CLMN: variants seen among roughly 807,000 people sequenced by gnomAD.
The protein encoded by CLMN is calmin (calponin-like, transmembrane).
A neutral mutation model predicts 92.7 loss-of-function variants in CLMN; 57 were observed. That is an observed-to-expected ratio of 0.61 (90% CI 0.50 to 0.77). CLMN has a LOEUF of 0.77. Ranked by LOEUF, CLMN falls within the 30% of genes least tolerant of loss-of-function variation. The pLI is 0.00. For synonymous variants in CLMN, 466 were observed against 470.6 expected (o/e 0.99, Z 0.13); for missense variants, 1,158 against 1,237.5 (o/e 0.94, Z 0.96).
intron 2 of CLMN, among the ~76,000 whole-genome samples, chr14:95,226,854 C>T (rs1039970877): frequency 6.6e-6 from 1 of 152,200 alleles, no homozygotes; most frequent in Non-Finnish European, 1.5e-5. Flanking sequence ...GCTGGGATTA[C>T]AGGCGTGAGC....
chr14:95,202,796 C>T, intron 9 of CLMN, 42 bp downstream of exon 9: 1 of 1,498,672 alleles, frequency 6.7e-7, no homozygotes, highest in Non-Finnish European at 8.9e-7. Context: ...TATCAAGTTT[C>T]CCAGGCAGGA....
chr14:95,283,148 G>C (rs1488803396), intron 1 of CLMN, among the ~76,000 whole-genome samples: 1 of 152,196 alleles, frequency 6.6e-6, no homozygotes, highest in African/African-American at 2.4e-5. Context: ...TTGAGTCACA[G>C]GGGCCTGTAT....
chr14:95,306,229 T>G (rs1415024121), intron 1 of CLMN, among the ~76,000 whole-genome samples: 1 of 152,110 alleles, frequency 6.6e-6, no homozygotes, highest in African/African-American at 2.4e-5. Flanking sequence ...AAGAGAGAAC[T>G]AGCCAGGCAT....
At position 95,259,065 on chromosome 14, in the gene CLMN, T is replaced by C. The variant is rs558956425; in HGVS notation, c.83-28932A>G. ...GTGGTGTGTGGAGAATGTGTTTGTA[T>C]GTATGTGTGATATGTGTTGTGTGTT... On this transcript the variant is annotated intron_variant, in intron 1 of 12. Transcript: ENST00000298912. The surrounding 1 kb of genome is among the most constrained non-coding windows in gnomAD (Gnocchi z 4.3). Among the ~76,000 whole-genome samples, 7 of 151,970 alleles carry C rather than the reference T, an allele frequency of 4.6e-5. No homozygotes were observed. The highest frequency in any genetic ancestry group is 8.8e-5 in the Non-Finnish European group (6 of 67,938).
chr14:95,296,702 C>T (rs1313339352), intron 1 of CLMN, among the ~76,000 whole-genome samples: 1 of 152,176 alleles, frequency 6.6e-6, no homozygotes, highest in East Asian at 1.9e-4. Flanking sequence ...TAGCAGCCAT[C>T]TTGGGTCTTC....
At chr14:95,285,560 G>A (rs1000284180) in intron 1 of CLMN, among the ~76,000 whole-genome samples, 1 of 152,154 alleles carries the variant, frequency 6.6e-6, no homozygotes, top group Non-Finnish European at 1.5e-5. Context: ...GAAACACTGG[G>A]TAAATTGTAG....
At chr14:95,269,505 G>A (rs910706580) in intron 1 of CLMN, among the ~76,000 whole-genome samples, 2 of 152,202 alleles carry the variant, frequency 1.3e-5, no homozygotes, top group African/African-American at 4.8e-5. Flanking sequence ...ACAGCTAAAA[G>A]GGCTTTCCCC....
rs1266374828 is a variant in CLMN, at chr14:95,215,722, A to C, written c.336T>G (p.Val112=). Residue 112 remains valine (V), a synonymous_variant, in exon 5 of 13, where the codon GTT becomes GTG. Coordinates refer to ENST00000298912, the MANE Select transcript of CLMN (RefSeq NM_024734.4). The part of the protein sequence containing the change: ...KFLEDSNVKL[V]SIDAAEIADG... ...CTGCTATTTCTGCTGCATCAATGCT[A>C]ACCAGTTTTACCTGGAGGGAAGCAA... 1 of 1,614,148 alleles carries C rather than the reference A, an allele frequency of 6.2e-7. No individual in the cohort carries two copies. Among genetic ancestry groups the C allele is most frequent in the Non-Finnish European group, 8.5e-7 (1 of 1,179,988 alleles).
At chr14:95,192,424 T>C (rs984392727) in intron 12 of CLMN, 1 of 152,238 alleles carries the variant, frequency 6.6e-6, no homozygotes, top group African/African-American at 2.4e-5. Flanking sequence ...CCAGAAGGTT[T>C]TGCCTGGGGC....
rs558104688 is a variant in CLMN, at chr14:95,299,830, G to A, written c.82+19881C>T. 1.2e-4 allele frequency among the ~76,000 whole-genome samples: 19 copies of A among 152,044 alleles called. No individual in the cohort carries two copies. In the South Asian group the frequency reaches 2.7e-3, roughly 22 times the overall value. On this transcript the variant is annotated intron_variant, in intron 1 of 12. Coordinates refer to ENST00000298912, the MANE Select transcript of CLMN (RefSeq NM_024734.4). Reference sequence around the variant, plus strand: ...ACCTTTCCTCCTCATTTTCATTCTCGCCTTCCATTAGAACTAGCTCAATAG... The same window carrying A: ...ACCTTTCCTCCTCATTTTCATTCTCACCTTCCATTAGAACTAGCTCAATAG...
At chr14:95,229,413 A>G (rs2140632734) in intron 2 of CLMN, among the ~76,000 whole-genome samples, 1 of 152,322 alleles carries the variant, frequency 6.6e-6, no homozygotes, top group South Asian at 2.1e-4. Context: ...CGGGCCAAAG[A>G]ATGCAAGAAG....
chr14:95,245,601 T>A (rs1209905845), intron 1 of CLMN, among the ~76,000 whole-genome samples: 1 of 146,800 alleles, frequency 6.8e-6, no homozygotes, highest in Non-Finnish European at 1.5e-5. Flanking sequence ...GATGGATGGA[T>A]GAATGAATGG....
intron 1 of CLMN, among the ~76,000 whole-genome samples, chr14:95,252,984 A>T (rs1898850073): frequency 6.6e-6 from 1 of 152,202 alleles, no homozygotes; most frequent in Non-Finnish European, 1.5e-5. Flanking sequence ...AACAGTGTTC[A>T]GTGAGTTCAC....
intron 1 of CLMN, among the ~76,000 whole-genome samples, chr14:95,252,110 C>T (rs1163942479): frequency 6.6e-6 from 1 of 152,144 alleles, no homozygotes; most frequent in South Asian, 2.1e-4. Flanking sequence ...TCCAAGGGGC[C>T]GGAAATTACC....
Position 95,319,832 on chromosome 14 carries a change from C to CGGCGGGCGCGGAGAGCCTGGCA in CLMN, c.-41_-40insTGCCAGGCTCTCCGCGCCCGCC. 1.6e-6 allele frequency: 2 copies of CGGCGGGCGCGGAGAGCCTGGCA among 1,244,528 alleles called. No individual in the cohort carries two copies. Among genetic ancestry groups the CGGCGGGCGCGGAGAGCCTGGCA allele is most frequent in the Non-Finnish European group, 2.0e-6 (2 of 982,298 alleles). The allele number at this position is 1,244,528 out of a possible 1,614,324, so 77.1% of individuals were successfully genotyped here. ...AGAGCCCGGGCCAGCGCGGCGCGGG[C>CGGCGGGCGCGGAGAGCCTGGCA]GGCGGGCGCGGAGAGCCTGGCTGGC... On this transcript the variant is annotated 5_prime_UTR_variant, in exon 1 of 13. Coordinates refer to ENST00000298912, the MANE Select transcript of CLMN (RefSeq NM_024734.4).
rs1423030625 is a variant in CLMN, at chr14:95,189,833, T to C, written c.*1731A>G. On this transcript the variant is annotated 3_prime_UTR_variant, in exon 13 of 13. Transcript: ENST00000298912. ...CTCCAAGCTCCCAGCAGCTTTCTGG[T>C]TGGAAGGCTGAAATTCTTTCAGGAG... 1 of 152,166 alleles carries C rather than the reference T, an allele frequency of 6.6e-6. No individual in the cohort carries two copies. Among genetic ancestry groups the C allele is most frequent in the Non-Finnish European group, 1.5e-5 (1 of 68,016 alleles). The allele number at this position is 152,166 out of a possible 1,614,324, so 9.4% of individuals were successfully genotyped here.
intron 1 of CLMN, among the ~76,000 whole-genome samples, chr14:95,305,365 T>C (rs1199224918): frequency 1.3e-5 from 2 of 152,202 alleles, no homozygotes; most frequent in African/African-American, 2.4e-5. Flanking sequence ...CCCAACCCTG[T>C]CCATCATGAC....
Position 95,203,750 on chromosome 14 carries a change from C to T in CLMN, c.1599G>A (p.Val533=). ...HSLSPPGENT[V]MADSFQIKVN... ...CCTTGATCTGGAAGGAATCGGCCAT[C>T]ACAGTATTTTCTCCTGGGGGTGAAA... The change falls in exon 9 of 13, where the codon GTG becomes GTA. Residue 533 remains valine, a synonymous_variant. Coordinates refer to ENST00000298912, the MANE Select transcript of CLMN (RefSeq NM_024734.4). 1 of 1,614,172 alleles carries T rather than the reference C, an allele frequency of 6.2e-7. No individual in the cohort carries two copies.
intron 8 of CLMN, among the ~76,000 whole-genome samples, chr14:95,208,685 C>A (rs974339957): frequency 6.6e-6 from 1 of 152,152 alleles, no homozygotes; most frequent in African/African-American, 2.4e-5. Context: ...GTAAATAGTT[C>A]CCCCCTTATT....
Sources: allele counts gnomAD v4.1 joint callset (sites outside exome capture counted in the v4.1 genomes callset), GRCh38; gene constraint gnomAD v4.1.1; non-coding constraint Gnocchi (gnomAD v3.1); transcripts MANE v1.5; gene names NCBI Gene and HGNC (gene_info 2026-07-23, HGNC 2026-07-21).